MMP13: variants seen among roughly 807,000 people sequenced by gnomAD.
MMP13 encodes the protein collagenase 3.
MMP13 carries 45 observed loss-of-function variants against 52.1 expected under a neutral mutation model. The observed-to-expected ratio is 0.86, with a 90% CI of 0.68 to 1.11. The LOEUF (loss-of-function observed/expected upper bound fraction) is 1.11, where lower values mean the gene tolerates loss of function less well. Ranked by LOEUF, MMP13 falls within the 50% of genes least tolerant of loss-of-function variation. The pLI is 0.00. For synonymous variants in MMP13, 200 were observed against 204.4 expected (o/e 0.98, Z 0.18); for missense variants, 576 against 583.8 (o/e 0.99, Z 0.14).
Position 102,948,052 on chromosome 11 carries a change from T to A in MMP13, c.1052-2A>T. The A allele has an allele frequency of 6.2e-7, 1 of 1,612,778 alleles. No homozygotes were observed. The highest frequency in any genetic ancestry group is 8.5e-7 in the Non-Finnish European group (1 of 1,179,246). ...CATTAAGAGCCCAAAATTTTCTACC[T>A]GGAATGAGTGAAATAACAGTTCTAT... On this transcript the variant is annotated splice_acceptor_variant, in intron 7 of 9. Transcript: ENST00000260302. LOFTEE classifies it high-confidence loss of function.
Position 102,952,166 on chromosome 11 carries a change from G to T in MMP13, c.645C>A (p.Asn215Lys), listed in dbSNP as rs782247583. 6.2e-7 allele frequency: 1 copy of T among 1,612,820 alleles called. No individual in the cohort carries two copies. Among genetic ancestry groups the T allele is most frequent in the Admixed American group, 1.7e-5 (1 of 59,944 alleles). ...ACTCATGCGCAGCAACAAGAAACAAGTTGTAGCCTGTAAGAAAACAAAGAA... is the reference window on the plus strand; with the variant it reads ...ACTCATGCGCAGCAACAAGAAACAATTTGTAGCCTGTAAGAAAACAAAGAA... ...ETWTSSSKGYNLFLVAAHEFG... is the reference protein window; with the variant it reads ...ETWTSSSKGYKLFLVAAHEFG... Residue 215 changes from asparagine (N) to lysine (K), a missense_variant, in exon 5 of 10, where the codon AAC becomes AAA. Asn to Lys is a moderately conservative substitution (Grantham distance 94, BLOSUM62 0). Coordinates refer to ENST00000260302, the MANE Select transcript of MMP13 (RefSeq NM_002427.4). The surrounding 1 kb of genome is among the most constrained non-coding windows in gnomAD (Gnocchi z 4.3).
Position 102,948,029 on chromosome 11 carries a change from T to G in MMP13, c.1073A>C (p.Asn358Thr), listed in dbSNP as rs927671293. 6.2e-7 allele frequency: 1 copy of G among 1,613,708 alleles called. No homozygotes were observed. The highest frequency in any genetic ancestry group is 8.5e-7 in the Non-Finnish European group (1 of 1,179,792). Residue 358 changes from asparagine to threonine, a missense_variant, in exon 8 of 10, where the codon AAT (asparagine) becomes ACT (threonine). Physicochemically the swap from Asn to Thr is moderately conservative, Grantham distance 65. Coordinates refer to ENST00000260302, the MANE Select transcript of MMP13 (RefSeq NM_002427.4). ...IFRGRKFWALNGYDILEGYPK... is the reference protein window; with the variant it reads ...IFRGRKFWALTGYDILEGYPK... Reference sequence around the variant, plus strand: ...ATAACCTTCCAGAATGTCATAACCATTAAGAGCCCAAAATTTTCTACCTGG... The same window carrying G: ...ATAACCTTCCAGAATGTCATAACCAGTAAGAGCCCAAAATTTTCTACCTGG...
At position 102,949,466 on chromosome 11, in the gene MMP13, T is replaced by C. The variant is rs1860572863; in HGVS notation, c.918-308A>G. On this transcript the variant is annotated intron_variant, in intron 6 of 9. Coordinates refer to ENST00000260302, the MANE Select transcript of MMP13 (RefSeq NM_002427.4). The surrounding 1 kb of genome is among the most constrained non-coding windows in gnomAD (Gnocchi z 4.2). ...GGGCAAGCAAATGTGCCAGGCATTG[T>C]GTTGGCCTCCAGAGAGAAGATATGA... Among the ~76,000 whole-genome samples the C allele has an allele frequency of 6.6e-6, 1 of 152,188 alleles. No individual in the cohort carries two copies. Among genetic ancestry groups the C allele is most frequent in the Admixed American group, 6.5e-5 (1 of 15,274 alleles).
rs1162115665 is a variant in MMP13 at position 102,949,234 on chromosome 11, C to T, written c.918-76G>A. 1 of 1,549,118 alleles carries T rather than the reference C, an allele frequency of 6.5e-7. No individual in the cohort carries two copies. The highest frequency in any genetic ancestry group is 8.8e-7 in the Non-Finnish European group (1 of 1,139,498). On this transcript the variant is annotated intron_variant, in intron 6 of 9. Coordinates refer to ENST00000260302, the MANE Select transcript of MMP13 (RefSeq NM_002427.4). This position sits in a 1 kb window ranked among gnomAD's most constrained non-coding sequence, Gnocchi z 4.2. ...TTCTATCCTGCTAGTCACCTCTCTCCACATCAACACAGACAAGTTAGATAC... is the reference window on the plus strand; with the variant it reads ...TTCTATCCTGCTAGTCACCTCTCTCTACATCAACACAGACAAGTTAGATAC...
rs1860433098 is a variant in MMP13, at chr11:102,942,996, C to T, written c.*1270G>A. On this transcript the variant is annotated 3_prime_UTR_variant, in exon 10 of 10. Coordinates refer to ENST00000260302, the MANE Select transcript of MMP13 (RefSeq NM_002427.4). Reference sequence around the variant, plus strand: ...AGACAATGTACCATATAGCAATTGTCTGTTGAAAATATATTTTTATTATAA... The same window carrying T: ...AGACAATGTACCATATAGCAATTGTTTGTTGAAAATATATTTTTATTATAA... 6.6e-6 allele frequency: 1 copy of T among 152,224 alleles called. No homozygotes were observed. Among genetic ancestry groups the T allele is most frequent in the Non-Finnish European group, 1.5e-5 (1 of 68,026 alleles). The allele number at this position is 152,224 out of a possible 1,614,324, so 9.4% of individuals were successfully genotyped here.
rs1327369297 is a variant in MMP13 at position 102,949,403 on chromosome 11, G to A, written c.918-245C>T. 4.6e-5 allele frequency among the ~76,000 whole-genome samples: 7 copies of A among 152,160 alleles called. No homozygotes were observed. The highest frequency in any genetic ancestry group is 4.6e-4 in the Admixed American group (7 of 15,276). ...TGTGAGGTCTCTGAGTTCTTTGCAG[G>A]TTGAAACAGTCTTGCTCAATTTTGG... On this transcript the variant is annotated intron_variant, in intron 6 of 9. Transcript: ENST00000260302. This position sits in a 1 kb window ranked among gnomAD's most constrained non-coding sequence, Gnocchi z 4.2.
chr11:102,947,443 G>A (rs1860528909), intron 8 of MMP13, among the ~76,000 whole-genome samples: 1 of 152,152 alleles, frequency 6.6e-6, no homozygotes, highest in Non-Finnish European at 1.5e-5. Flanking sequence ...GCACATGCCT[G>A]TAATCCCAGC....
At chr11:102,954,015 A>C (rs1439730030) in intron 4 of MMP13, 141 bp downstream of exon 4, 1 of 916,790 alleles carries the variant, frequency 1.1e-6, no homozygotes, top group Non-Finnish European at 1.6e-6. Context: ...TAGAGACACT[A>C]ATACATCTAA....
chr11:102,953,274 G>A (rs1215320548), intron 4 of MMP13, among the ~76,000 whole-genome samples: 3 of 152,064 alleles, frequency 2.0e-5, no homozygotes, highest in Non-Finnish European at 4.4e-5. Flanking sequence ...TCTTCTTCCT[G>A]AAACCATTCT....
rs1361311438 is a variant in MMP13 at position 102,955,010 on chromosome 11, C to A, written c.362+242G>T. 6.6e-6 allele frequency among the ~76,000 whole-genome samples: 1 copy of A among 152,140 alleles called. No homozygotes were observed. Among genetic ancestry groups the A allele is most frequent in the Non-Finnish European group, 1.5e-5 (1 of 68,010 alleles). ...CTAATGTACTATGTTTGCAAATTTTCTTTAACCTACTTTTATTTCTCTTTT... is the reference window on the plus strand; with the variant it reads ...CTAATGTACTATGTTTGCAAATTTTATTTAACCTACTTTTATTTCTCTTTT... On this transcript the variant is annotated intron_variant, in intron 2 of 9. Transcript: ENST00000260302. This position sits in a 1 kb window ranked among gnomAD's most constrained non-coding sequence, Gnocchi z 4.9.
Position 102,949,217 on chromosome 11 carries a change from T to C in MMP13, c.918-59A>G, listed in dbSNP as rs73591382. On this transcript the variant is annotated intron_variant, in intron 6 of 9. Transcript: ENST00000260302. The surrounding 1 kb of genome is among the most constrained non-coding windows in gnomAD (Gnocchi z 4.2). ...ATTTTTAAATGCAATATTTCTATCC[T>C]GCTAGTCACCTCTCTCCACATCAAC... is the stretch of plus-strand genomic sequence containing the variant. The C allele has an allele frequency of 1.5e-3, 2,453 of 1,590,138 alleles. 38 individuals carry two copies. The African/African-American group carries it at 0.029, about 19-fold the overall frequency.
intron 3 of MMP13, 55 bp from the exon 4 acceptor site, chr11:102,954,336 A>G (rs1591158921): frequency 1.9e-6 from 3 of 1,612,380 alleles, no homozygotes; most frequent in East Asian, 4.5e-5. Context: ...TACTTAGCAC[A>G]GGTGTTTGGT....
At chr11:102,946,885 A>ATG (rs1491511177) in intron 8 of MMP13, among the ~76,000 whole-genome samples, 2 of 152,124 alleles carry the variant, frequency 1.3e-5, no homozygotes, top group Non-Finnish European at 2.9e-5. Context: ...GCGGGTATGC[A>ATG]TGTGTGTGTG....
intron 9 of MMP13, 142 bp downstream of exon 9, chr11:102,945,504 A>T: frequency 3.0e-6 from 2 of 667,890 alleles, no homozygotes; most frequent in South Asian, 1.9e-5. Flanking sequence ...CTTTGTAGGT[A>T]GTCACACAGG....
In MMP13 at chr11:102,955,329, T is replaced by A; in HGVS notation, c.285A>T (p.Arg95Ser). 6.2e-7 allele frequency: 1 copy of A among 1,614,036 alleles called. No individual in the cohort carries two copies. The highest frequency in any genetic ancestry group is 1.1e-5 in the South Asian group (1 of 91,080). ...ATTCACCCACATCAGGAACCCCGCA[T>A]CTTGGCTTTTTCATGACATCTAAGG... is the stretch of plus-strand genomic sequence containing the variant. ...DNTLDVMKKP[R>S]CGVPDVGEYN... The change falls in exon 2 of 10, where the codon AGA becomes AGT. Residue 95 changes from arginine (R) to serine (S), a missense_variant. Arg to Ser is a moderately radical substitution (Grantham distance 110, BLOSUM62 -1). Coordinates refer to ENST00000260302, the MANE Select transcript of MMP13 (RefSeq NM_002427.4). This position sits in a 1 kb window ranked among gnomAD's most constrained non-coding sequence, Gnocchi z 4.9.
At position 102,954,466 on chromosome 11, in the gene MMP13, C is replaced by A. The variant is rs1439642772; in HGVS notation, c.503G>T (p.Gly168Val). The A allele has an allele frequency of 6.2e-7, 1 of 1,613,400 alleles. No individual in the cohort carries two copies. The change falls in exon 3 of 10, where the codon GGA becomes GTA. Residue 168 changes from glycine to valine, a missense_variant. Transcript: ENST00000260302. ...DGIADIMISF[G>V]IKEHGDFYPF... ...TAAATGTGCATCATTACCCTTAATT[C>A]CAAAAGAGATCATGATGTCAGCAAT...
intron 5 of MMP13, among the ~76,000 whole-genome samples, chr11:102,950,454 A>G (rs1860593436): frequency 1.3e-5 from 2 of 152,172 alleles, no homozygotes; most frequent in Non-Finnish European, 2.9e-5. Flanking sequence ...AGAAGTATAA[A>G]CTTAGGTTTC....
rs1346084530 is a variant in MMP13 at position 102,955,423 on chromosome 11, A to G, written c.191T>C (p.Met64Thr). 1.2e-6 allele frequency: 2 copies of G among 1,614,094 alleles called. No individual in the cohort carries two copies. Among genetic ancestry groups the G allele is most frequent in the Admixed American group, 3.3e-5 (2 of 60,020 alleles). Reference sequence around the variant, plus strand: ...CTGCATTTCTCGGAGCCTCTCAGTCATGGAGCTTGCTGCATTCTCCTTCAG... The same window carrying G: ...CTGCATTTCTCGGAGCCTCTCAGTCGTGGAGCTTGCTGCATTCTCCTTCAG... ...GILKENAASS[M>T]TERLREMQSF... Residue 64 changes from methionine (M) to threonine (T), a missense_variant, in exon 2 of 10, where the codon ATG becomes ACG. Transcript: ENST00000260302. The surrounding 1 kb of genome is among the most constrained non-coding windows in gnomAD (Gnocchi z 4.9).
rs553953391 is a variant in MMP13, at chr11:102,955,296, A to G, written c.318T>C (p.Val106=). ...CGVPDVGEYN[V]FPRTLKWSKM... ...TGGACCATTTAAGAGTTCGAGGGAA[A>G]ACATTGTATTCACCCACATCAGGAA... Residue 106 remains valine, a synonymous_variant, in exon 2 of 10, where the codon GTT becomes GTC. Transcript: ENST00000260302. This position sits in a 1 kb window ranked among gnomAD's most constrained non-coding sequence, Gnocchi z 4.9. The G allele has an allele frequency of 3.4e-5, 55 of 1,613,990 alleles. No homozygotes were observed. Among genetic ancestry groups the G allele is most frequent in the Admixed American group, 1.3e-4 (8 of 60,016 alleles).
Sources: allele counts gnomAD v4.1 joint callset (sites outside exome capture counted in the v4.1 genomes callset), GRCh38; gene constraint gnomAD v4.1.1; non-coding constraint Gnocchi (gnomAD v3.1); transcripts MANE v1.5; gene names NCBI Gene and HGNC (gene_info 2026-07-23, HGNC 2026-07-21).